PDE4A: variants seen among roughly 807,000 people sequenced by gnomAD.
The protein encoded by PDE4A is phosphodiesterase 4A.
Under a neutral mutation model 73.9 loss-of-function variants are expected in PDE4A, and 21 were observed. The observed-to-expected ratio is 0.28, with a 90% CI of 0.20 to 0.41. The LOEUF (loss-of-function observed/expected upper bound fraction) is 0.41. Among genes scored for constraint, PDE4A ranks in the 10% least tolerant of loss-of-function variants. PDE4A has a pLI of 1.00. For missense variants in PDE4A, 958 were observed against 1,211.4 expected (o/e 0.79, Z 3.10); for synonymous variants, 463 against 505.4 (o/e 0.92, Z 1.13).
chr19:10,459,879 T>C, intron 10 of PDE4A, 120 bp downstream of exon 10: 1 of 1,192,832 alleles, frequency 8.4e-7, no homozygotes, highest in South Asian at 1.6e-5. Context: ...GCCATTTCTC[T>C]CTCTTTTTTT....
chr19:10,460,267 G>A (rs2043241274), intron 10 of PDE4A, among the ~76,000 whole-genome samples: 2 of 151,950 alleles, frequency 1.3e-5, no homozygotes, highest in South Asian at 4.2e-4. Flanking sequence ...GGAAGGCCAA[G>A]ATGGGTGGAT....
intron 7 of PDE4A, among the ~76,000 whole-genome samples, chr19:10,456,650 G>C (rs956211018): frequency 6.6e-6 from 1 of 150,482 alleles, no homozygotes; most frequent in Non-Finnish European, 1.5e-5. Flanking sequence ...CCAGGAGTTC[G>C]AGGCTGCAGT....
In PDE4A at chr19:10,446,344, C is replaced by T; in HGVS notation, c.447C>T (p.Arg149=). 1 of 1,613,986 alleles carries T rather than the reference C, an allele frequency of 6.2e-7. No individual in the cohort carries two copies. Residue 149 remains arginine, a synonymous_variant, in exon 2 of 15, where the codon CGC becomes CGT. Coordinates refer to ENST00000380702, the MANE Select transcript of PDE4A (RefSeq NM_001111307.2). ...TSQRRESFLY[R]SDSDYDMSPK... Reference sequence around the variant, plus strand: ...AGCGCCGGGAGTCCTTCCTGTACCGCTCAGACAGCGACTATGACATGTCAC... The same window carrying T: ...AGCGCCGGGAGTCCTTCCTGTACCGTTCAGACAGCGACTATGACATGTCAC...
At chr19:10,419,053 AG>A, upstream of PDE4A, 1 of 677,942 alleles carries the variant, frequency 1.5e-6, no homozygotes, top group Non-Finnish European at 1.7e-6. Flanking sequence ...GAAGACCGGC[AG>A]TCTTTTTTTT....
chr19:10,465,683 C>CTTTTGTTTTTTTTT (rs2043355181), intron 14 of PDE4A, among the ~76,000 whole-genome samples: 1 of 48,366 alleles, frequency 2.1e-5, no homozygotes, highest in East Asian at 6.3e-4. Context: ...GTGGCTTTAG[C>CTTTTGTTTTTTTTT]TTTTTTTTTT....
In PDE4A at chr19:10,461,104, G is replaced by GT; in HGVS notation, c.1465+2dup. 4 of 1,609,906 alleles carry GT rather than the reference G, an allele frequency of 2.5e-6. No homozygotes were observed. The highest frequency in any genetic ancestry group is 3.4e-6 in the Non-Finnish European group (4 of 1,176,794). On this transcript the variant is annotated splice_donor_variant, in intron 11 of 14. Transcript: ENST00000380702. LOFTEE classifies it high-confidence loss of function. ...TCCAACCAGTTCCTCATCAACACCA[G>GT]TGAGTGGCCCTCGCCAGGGGCGGGG...
chr19:10,427,959 G>C, intron 1 of PDE4A: 1 of 408,542 alleles, frequency 2.4e-6, no homozygotes, highest in Non-Finnish European at 3.3e-6. Context: ...CATGTCACTT[G>C]CACTGCAGTC....
Position 10,429,642 on chromosome 19 carries a change from G to A in PDE4A, c.320+8558G>A, listed in dbSNP as rs144311550. On this transcript the variant is annotated intron_variant, in intron 1 of 14. Transcript: ENST00000380702. ...CATGAGCCACCACACCTGCCTTCTA[G>A]GGGTGTCTTAAGAGTTGTAAGACAC... Among the ~76,000 whole-genome samples, 171 of 152,246 alleles carry A rather than the reference G, an allele frequency of 1.1e-3. 1 individual carries two copies. Among genetic ancestry groups the A allele is most frequent in the African/African-American group, 4.1e-3 (170 of 41,538 alleles).
In PDE4A at chr19:10,445,635, G is replaced by C. The variant is rs183080235; in HGVS notation, c.321-583G>C. Among the ~76,000 whole-genome samples, 11 of 151,916 alleles carry C rather than the reference G, an allele frequency of 7.2e-5. No individual in the cohort carries two copies. The East Asian group carries it at 2.0e-3, about 27-fold the overall frequency. ...ATACAAAAATTAGCCAGGTGCGGTGGTGCATGTCTGTAATCCCAGCTACGC... is the reference window on the plus strand; with the variant it reads ...ATACAAAAATTAGCCAGGTGCGGTGCTGCATGTCTGTAATCCCAGCTACGC... On this transcript the variant is annotated intron_variant, in intron 1 of 14. Transcript: ENST00000380702.
chr19:10,461,752 C>T, intron 12 of PDE4A, 72 bp downstream of exon 12: 1 of 1,592,934 alleles, frequency 6.3e-7, no homozygotes, highest in Non-Finnish European at 8.5e-7. Flanking sequence ...AGGAGTGGGT[C>T]TGAGTCCCAG....
chr19:10,437,311 A>G (rs1362792442), intron 1 of PDE4A, among the ~76,000 whole-genome samples: 1 of 152,182 alleles, frequency 6.6e-6, no homozygotes, highest in East Asian at 1.9e-4. Context: ...TTTAGTAGAG[A>G]CGGGGTTTCA....
At chr19:10,434,889 CTTTT>C (rs377462932) in intron 1 of PDE4A, among the ~76,000 whole-genome samples, 1 of 107,212 alleles carries the variant, frequency 9.3e-6, no homozygotes, top group African/African-American at 3.7e-5. Flanking sequence ...CTGTGCCCAG[CTTTT>C]TTTTTTTTTT....
intron 1 of PDE4A, among the ~76,000 whole-genome samples, chr19:10,442,257 C>T (rs1177090084): frequency 6.6e-6 from 1 of 152,058 alleles, no homozygotes; most frequent in Non-Finnish European, 1.5e-5. Flanking sequence ...CTAGGCCTGC[C>T]AGGCACCTAT....
chr19:10,438,198 C>T (rs1428643078), intron 1 of PDE4A, among the ~76,000 whole-genome samples: 1 of 151,206 alleles, frequency 6.6e-6, no homozygotes, highest in Admixed American at 6.6e-5. Flanking sequence ...CTGCAACCTT[C>T]GCCTCCCGGG....
chr19:10,463,645 CCCG>C, intron 13 of PDE4A, 145 bp from the exon 14 acceptor site: 1 of 1,396,622 alleles, frequency 7.2e-7, no homozygotes, highest in Non-Finnish European at 9.5e-7. Context: ...TCATGATCCA[CCCG>C]CCTCAGCATC....
At position 10,453,457 on chromosome 19, in the gene PDE4A, C is replaced by G. The variant is rs2043125534; in HGVS notation, c.784-1372C>G. On this transcript the variant is annotated intron_variant, in intron 6 of 14. Coordinates refer to ENST00000380702, the MANE Select transcript of PDE4A (RefSeq NM_001111307.2). This position sits in a 1 kb window ranked among gnomAD's most constrained non-coding sequence, Gnocchi z 4.6. ...GCCTTGTGACTGTCTCTGTGTGTGG[C>G]CCAGGGCTGGGCGTGGATGGCGGGC... 4.9e-6 allele frequency: 6 copies of G among 1,217,398 alleles called. No homozygotes were observed. The highest frequency in any genetic ancestry group is 6.6e-6 in the Non-Finnish European group (6 of 903,092). The allele number at this position is 1,217,398 out of a possible 1,614,324, so 75.4% of individuals were successfully genotyped here.
chr19:10,464,379 A>T lies in PDE4A; in HGVS notation c.1926+404A>T, dbSNP rs1161836319. 1.5e-5 allele frequency: 7 copies of T among 455,264 alleles called. No homozygotes were observed. In the East Asian group the frequency reaches 4.8e-4, roughly 32 times the overall value. The allele number at this position is 455,264 out of a possible 1,614,324, so 28.2% of individuals were successfully genotyped here. ...CCAAAATGCCAGGATTACAAGTGTG[A>T]GCCACTGCGCCCAGCCTCCTGTTTT... On this transcript the variant is annotated intron_variant, in intron 14 of 14. Coordinates refer to ENST00000380702, the MANE Select transcript of PDE4A (RefSeq NM_001111307.2).
rs930262377 is a variant in PDE4A, at chr19:10,448,746, C to T, written c.513-171C>T. 1.1e-5 allele frequency: 10 copies of T among 894,330 alleles called. No homozygotes were observed. In the Admixed American group the frequency reaches 4.3e-4, roughly 39 times the overall value. 55.4% of individuals were successfully genotyped at this position (894,330 alleles called of 1,614,324 possible). ...CACTCCTTGACTGCCATTTCTTCCA[C>T]GATCAGCCCTGGACACATATCCACC... On this transcript the variant is annotated intron_variant, in intron 2 of 14. Transcript: ENST00000380702.
At chr19:10,451,874 T>A (rs1599438148) in intron 6 of PDE4A, among the ~76,000 whole-genome samples, 1 of 151,056 alleles carries the variant, frequency 6.6e-6, no homozygotes, top group South Asian at 2.1e-4. Context: ...TAGGTGGGAG[T>A]GTCTTTGTTG....
Sources: allele counts gnomAD v4.1 joint callset (sites outside exome capture counted in the v4.1 genomes callset), GRCh38; gene constraint gnomAD v4.1.1; non-coding constraint Gnocchi (gnomAD v3.1); transcripts MANE v1.5; gene names NCBI Gene and HGNC (gene_info 2026-07-23, HGNC 2026-07-21).